RSL24D1: variants seen among roughly 807,000 people sequenced by gnomAD.
The protein encoded by RSL24D1 is ribosomal L24 domain containing 1.
RSL24D1 carries 6 observed loss-of-function variants against 26.2 expected under a neutral mutation model. That is an observed-to-expected ratio of 0.23 (90% CI 0.13 to 0.45). The LOEUF is 0.45. RSL24D1 is among the 20% of genes least tolerant of loss of function. The pLI, the probability that RSL24D1 is intolerant of heterozygous loss-of-function variation, is 0.99. For missense variants in RSL24D1, 176 were observed against 202.6 expected (o/e 0.87, Z 0.80); for synonymous variants, 61 against 59.1 (o/e 1.03, Z -0.15).
chr15:55,192,639 G>T, intron 2 of RSL24D1, 81 bp downstream of exon 2: 1 of 951,456 alleles, frequency 1.1e-6, no homozygotes, highest in Non-Finnish European at 1.7e-6. Flanking sequence ...GCCTTGTTAT[G>T]ATTGATTAGA....
intron 3 of RSL24D1, among the ~76,000 whole-genome samples, chr15:55,189,008 A>T (rs1048436560): frequency 6.6e-6 from 1 of 152,138 alleles, no homozygotes; most frequent in Non-Finnish European, 1.5e-5. Flanking sequence ...CCTGGGCAAC[A>T]TGGTGAAACC....
At chr15:55,185,129 C>T (rs1179672589) in intron 4 of RSL24D1, among the ~76,000 whole-genome samples, 1 of 152,084 alleles carries the variant, frequency 6.6e-6, no homozygotes, top group African/African-American at 2.4e-5. Context: ...TTAGGTTACA[C>T]ACACTTAAGT....
intron 1 of RSL24D1, chr15:55,195,195 C>T (rs994367439): frequency 4.6e-5 from 7 of 152,054 alleles, no homozygotes; most frequent in Admixed American, 4.6e-4. Context: ...TCAGACGACT[C>T]TCATGTTTCT....
rs111313616 is a variant in RSL24D1, at chr15:55,193,306, C to G, written c.82-473G>C. Among the ~76,000 whole-genome samples, 1,059 of 152,300 alleles carry G rather than the reference C, an allele frequency of 7.0e-3. 13 individuals are homozygous for G. Among genetic ancestry groups the G allele is most frequent in the African/African-American group, 0.023 (936 of 41,574 alleles). On this transcript the variant is annotated intron_variant, in intron 1 of 5. Transcript: ENST00000260443. Reference sequence around the variant, plus strand: ...AACAGATTCGTTTTCGACTTACTCACAGATCTGCTAGCAAGATTCTTTACT... The same window carrying G: ...AACAGATTCGTTTTCGACTTACTCAGAGATCTGCTAGCAAGATTCTTTACT...
chr15:55,195,840 G>C (rs531180721), intron 1 of RSL24D1, among the ~76,000 whole-genome samples: 1 of 152,228 alleles, frequency 6.6e-6, no homozygotes, highest in South Asian at 2.1e-4. Flanking sequence ...AGAGATATAA[G>C]GTGAAGAAGT....
At chr15:55,184,183 T>C (rs1894199717) in intron 4 of RSL24D1, among the ~76,000 whole-genome samples, 1 of 152,084 alleles carries the variant, frequency 6.6e-6, no homozygotes, top group South Asian at 2.1e-4. Flanking sequence ...ATGGTCCTGC[T>C]CTGAAAAAAA....
At chr15:55,188,366 A>C (rs1894246388) in intron 3 of RSL24D1, among the ~76,000 whole-genome samples, 1 of 152,216 alleles carries the variant, frequency 6.6e-6, no homozygotes, top group Admixed American at 6.5e-5. Context: ...TATTTTTAGG[A>C]TCCCAGTAAA....
At chr15:55,187,080 T>C (rs1894232613) in intron 3 of RSL24D1, among the ~76,000 whole-genome samples, 1 of 152,162 alleles carries the variant, frequency 6.6e-6, no homozygotes, top group Non-Finnish European at 1.5e-5. Flanking sequence ...ATTTGGGAGC[T>C]TGTTAGAAAT....
intron 1 of RSL24D1, among the ~76,000 whole-genome samples, chr15:55,193,856 T>C (rs1015817819): frequency 6.6e-6 from 1 of 152,138 alleles, no homozygotes; most frequent in African/African-American, 2.4e-5. Flanking sequence ...TAGTTTCAAA[T>C]AGACTAGAAA....
chr15:55,193,920 A>C (rs781744871), intron 1 of RSL24D1, among the ~76,000 whole-genome samples: 40 of 152,230 alleles, frequency 2.6e-4, no homozygotes, highest in Non-Finnish European at 4.6e-4. Flanking sequence ...ATAAATAAAA[A>C]ATGAATATAT....
intron 5 of RSL24D1, among the ~76,000 whole-genome samples, 177 bp downstream of exon 5, chr15:55,183,138 A>C (rs1036154863): frequency 5.9e-5 from 9 of 152,226 alleles, no homozygotes; most frequent in African/African-American, 2.2e-4. Flanking sequence ...AAAAAGAAAC[A>C]CCATATAAAT....
At chr15:55,195,063 TAA>T (rs1894340415) in intron 1 of RSL24D1, among the ~76,000 whole-genome samples, 1 of 137,730 alleles carries the variant, frequency 7.3e-6, no homozygotes. Flanking sequence ...TAAGAGGCTA[TAA>T]AAGTGGTAAG....
chr15:55,187,980 CACAG>C (rs1395595795), intron 3 of RSL24D1, among the ~76,000 whole-genome samples: 2 of 152,028 alleles, frequency 1.3e-5, no homozygotes, highest in Admixed American at 6.6e-5. Flanking sequence ...TCACCTGCAA[CACAG>C]ACAGCCATGA....
intron 1 of RSL24D1, chr15:55,195,589 A>T (rs1894346184): frequency 1.3e-5 from 2 of 152,214 alleles, no homozygotes; most frequent in African/African-American, 2.4e-5. Flanking sequence ...GCCGACAAGC[A>T]TCCTGGACGA....
At chr15:55,196,370 A>G (rs1425612429) in intron 1 of RSL24D1, 9 of 458,784 alleles carry the variant, frequency 2.0e-5, no homozygotes, top group Non-Finnish European at 3.9e-5. Flanking sequence ...AACTTAATAC[A>G]TAACTCTACC....
At chr15:55,189,023 C>G (rs1034799060) in intron 3 of RSL24D1, among the ~76,000 whole-genome samples, 1 of 152,062 alleles carries the variant, frequency 6.6e-6, no homozygotes, top group African/African-American at 2.4e-5. Context: ...GAAACCCCGT[C>G]TCTACTAAAA....
At chr15:55,195,240 A>G (rs888908861) in intron 1 of RSL24D1, 1 of 152,150 alleles carries the variant, frequency 6.6e-6, no homozygotes, top group African/African-American at 2.4e-5. Context: ...AGTGGTATTA[A>G]TTCACAGAGC....
Position 55,185,422 on chromosome 15 carries a change from T to C in RSL24D1, c.272A>G (p.Asp91Gly), listed in dbSNP as rs754427012. The stretch of plus-strand genomic sequence containing the variant: ...GATTTCTTCAACTCTCTTCATCGCA[T>C]CAACTACAAAAAAATTCATGAGTTA... ...YQRELWNKTI[D>G]AMKRVEEIKQ... The change falls in exon 4 of 6, where the codon GAT becomes GGT. Residue 91 changes from aspartate to glycine, a missense_variant. By Grantham distance (94) the Asp-to-Gly change is moderately conservative. Coordinates refer to ENST00000260443, the MANE Select transcript of RSL24D1 (RefSeq NM_016304.3). 6.2e-7 allele frequency: 1 copy of C among 1,605,382 alleles called. No homozygotes were observed. The highest frequency in any genetic ancestry group is 8.5e-7 in the Non-Finnish European group (1 of 1,177,070).
chr15:55,188,786 G>A (rs8034853), intron 3 of RSL24D1, among the ~76,000 whole-genome samples: 18,342 of 152,166 alleles, frequency 0.12, 1,150 homozygotes, highest in South Asian at 0.16. Flanking sequence ...CTAAATACCC[G>A]CTAAGTAAAA....
Sources: gnomAD v4.1 joint callset for allele counts (sites outside exome capture counted in the v4.1 genomes callset) on GRCh38, gnomAD v4.1.1 for gene constraint, MANE v1.5 for transcripts, NCBI Gene and HGNC (gene_info 2026-07-23, HGNC 2026-07-21) for gene names.